Variants in SUPT6H observed in about 807,000 individuals in gnomAD.
SUPT6H encodes the protein transcription elongation factor SPT6.
A neutral mutation model predicts 222.3 loss-of-function variants in SUPT6H; 11 were observed. That is an observed-to-expected ratio of 0.05 (90% CI 0.03 to 0.08). The LOEUF (loss-of-function observed/expected upper bound fraction) is 0.08. SUPT6H is among the 10% of genes least tolerant of loss of function. SUPT6H has a pLI of 1.00. For missense variants in SUPT6H, 1,422 were observed against 2,216.0 expected, an observed-to-expected ratio of 0.64 and a Z score of 7.19; for synonymous variants, 762 against 801.2, an observed-to-expected ratio of 0.95 and a Z score of 0.83.
chr17:28,673,378 C>T lies in SUPT6H; in HGVS notation c.-24C>T. 1 of 1,576,288 alleles carries T rather than the reference C, an allele frequency of 6.3e-7. No individual in the cohort carries two copies. Among genetic ancestry groups the T allele is most frequent in the Non-Finnish European group, 8.7e-7 (1 of 1,146,090 alleles). ...ACTCTTTTCTTTCCCTAGTTATCTT[C>T]AGGCAGAGTGAGAAGCTGCAGCAAT... On this transcript the variant is annotated 5_prime_UTR_variant, in exon 2 of 37. Coordinates refer to ENST00000314616, the MANE Select transcript of SUPT6H (RefSeq NM_003170.5).
chr17:28,701,242 A>G (rs1281217850), intron 36 of SUPT6H, 114 bp downstream of exon 36: 1 of 1,443,312 alleles, frequency 6.9e-7, no homozygotes, highest in Non-Finnish European at 9.3e-7. Flanking sequence ...CCCTGACCAC[A>G]TGATATGCCA....
rs1440220956 is a variant in SUPT6H, at chr17:28,671,996, G to A, written c.-31-1375G>A. Among the ~76,000 whole-genome samples, 11 of 152,266 alleles carry A rather than the reference G, an allele frequency of 7.2e-5. No individual in the cohort carries two copies. In the East Asian group the frequency reaches 2.1e-3, roughly 29 times the overall value. Reference sequence around the variant, plus strand: ...TGTTGCATTTATTTTGTAGGACATGGAAGCCTTTCAAGATTTTTTGCCTGC... The same window carrying A: ...TGTTGCATTTATTTTGTAGGACATGAAAGCCTTTCAAGATTTTTTGCCTGC... On this transcript the variant is annotated intron_variant, in intron 1 of 36. Transcript: ENST00000314616.
At chr17:28,700,891 G>C in intron 35 of SUPT6H, 50 bp from the exon 36 acceptor site, 1 of 1,557,980 alleles carries the variant, frequency 6.4e-7, no homozygotes, top group Non-Finnish European at 8.7e-7. Context: ...TCACAGCAAG[G>C]CCAAACAAGC....
At chr17:28,691,154 A>G in intron 27 of SUPT6H, 91 bp downstream of exon 27, 1 of 1,470,038 alleles carries the variant, frequency 6.8e-7, no homozygotes, top group Non-Finnish European at 9.3e-7. Flanking sequence ...GGTGTTCTAG[A>G]TCATTCTCTC....
chr17:28,667,502 T>C (rs779658742), intron 1 of SUPT6H, among the ~76,000 whole-genome samples: 11 of 116,670 alleles, frequency 9.4e-5, no homozygotes, highest in Non-Finnish European at 2.0e-4. Flanking sequence ...TGTATATGTG[T>C]ATATATATAT....
chr17:28,700,947 C>T lies in SUPT6H; in HGVS notation c.4813C>T (p.Pro1605Ser). 1 of 1,611,134 alleles carries T rather than the reference C, an allele frequency of 6.2e-7. No individual in the cohort carries two copies. The highest frequency in any genetic ancestry group is 8.5e-7 in the Non-Finnish European group (1 of 1,177,766). ...ACTGTTCATGCCTCTCCAGGTATTC[C>T]CAACGCCAGCCCAGCAGCCAGTGGC... ...GGGSSAYHVFPTPAQQPVATP... is the reference protein window; with the variant it reads ...GGGSSAYHVFSTPAQQPVATP... The change falls in exon 36 of 37, where the codon CCA becomes TCA. Residue 1605 changes from proline (P) to serine (S), a missense_variant. By Grantham distance (74) the Pro-to-Ser change is moderately conservative. Around this residue, in one of 13 missense-constraint regions of SUPT6H, gnomAD observed 395 missense variants for 580.6 expected, o/e 0.68. Coordinates refer to ENST00000314616, the MANE Select transcript of SUPT6H (RefSeq NM_003170.5).
At chr17:28,674,739 C>T in intron 4 of SUPT6H, 126 bp downstream of exon 4, 1 of 943,694 alleles carries the variant, frequency 1.1e-6, no homozygotes, top group South Asian at 1.5e-5. Context: ...TGTTCGGTAT[C>T]ATTGTACTAC....
At chr17:28,668,069 T>C (rs969222107) in intron 1 of SUPT6H, among the ~76,000 whole-genome samples, 2 of 152,176 alleles carry the variant, frequency 1.3e-5, no homozygotes, top group African/African-American at 4.8e-5. Context: ...TGATCCCAGT[T>C]CCATTCCTCT....
rs368534896 is a variant in SUPT6H at position 28,678,098 on chromosome 17, G to A, written c.1022G>A (p.Arg341Gln). 42 of 1,613,022 alleles carry A rather than the reference G, an allele frequency of 2.6e-5. No homozygotes were observed. The highest frequency in any genetic ancestry group is 3.1e-5 in the Non-Finnish European group (37 of 1,179,772). Residue 341 changes from arginine (R) to glutamine (Q), a missense_variant, in exon 9 of 37, where the codon CGA (arginine) becomes CAA (glutamine). Coordinates refer to ENST00000314616, the MANE Select transcript of SUPT6H (RefSeq NM_003170.5). ...TAGGAAAGCTGTGATTACCTAGACC[G>A]AGGGCAGCCAGCCAGCAGCTTCAGT... ...SLQESCDYLD[R>Q]GQPASSFSRK...
chr17:28,683,732 G>A lies in SUPT6H; in HGVS notation c.2145G>A (p.Arg715=). The A allele has an allele frequency of 6.2e-7, 1 of 1,614,114 alleles. No homozygotes were observed. The change falls in exon 17 of 37, where the codon CGG becomes CGA. Residue 715 remains arginine (R), a synonymous_variant. Transcript: ENST00000314616. ...WNRQRTMAIE[R]ALQQFLYVQM... is the part of the protein sequence containing the mutation. The stretch of plus-strand genomic sequence containing the variant: ...GGCAGCGCACCATGGCCATCGAACG[G>A]GCTTTACAGCAGTTCCTCTATGTGC...
At chr17:28,698,075 C>T (rs201104064) in intron 32 of SUPT6H, 45 bp downstream of exon 32, 2 of 1,589,324 alleles carry the variant, frequency 1.3e-6, no homozygotes, top group Non-Finnish European at 1.7e-6. Flanking sequence ...GGTTCATAGG[C>T]AGGCTAGAAG....
At chr17:28,690,854 G>A in intron 26 of SUPT6H, 67 bp from the exon 27 acceptor site, 2 of 1,546,570 alleles carry the variant, frequency 1.3e-6, no homozygotes, top group Non-Finnish European at 1.8e-6. Flanking sequence ...GTCACTGAAA[G>A]GCTGGTGGAA....
chr17:28,700,524 G>A lies in SUPT6H; in HGVS notation c.4806+12G>A. 1 of 1,610,798 alleles carries A rather than the reference G, an allele frequency of 6.2e-7. No individual in the cohort carries two copies. The highest frequency in any genetic ancestry group is 1.7e-4 in the Middle Eastern group (1 of 5,966). ...GCAGTGCTTACCACGTATGTGGCTT[G>A]GGGAGGAAGCTCCCTGTGCAGGGTG... On this transcript the variant is annotated intron_variant, in intron 35 of 36. Coordinates refer to ENST00000314616, the MANE Select transcript of SUPT6H (RefSeq NM_003170.5).
Position 28,684,684 on chromosome 17 carries a change from G to A in SUPT6H, c.2328G>A (p.Gly776=). 6.2e-7 allele frequency: 1 copy of A among 1,614,236 alleles called. No individual in the cohort carries two copies. The highest frequency in any genetic ancestry group is 8.5e-7 in the Non-Finnish European group (1 of 1,180,050). The change falls in exon 18 of 37, where the codon GGG becomes GGA. Residue 776 remains glycine, a synonymous_variant. Transcript: ENST00000314616. ...EDDDFMDENQ[G]KGIRVLGIAF... ...ACGACTTTATGGACGAGAACCAAGG[G>A]AAGGGCATTCGAGTCCTCGGCATTG...
In SUPT6H at chr17:28,681,417, A is replaced by G. The variant is rs763529255; in HGVS notation, c.1498+13A>G. On this transcript the variant is annotated intron_variant, in intron 12 of 36. Coordinates refer to ENST00000314616, the MANE Select transcript of SUPT6H (RefSeq NM_003170.5). ...GGAGATGAAGAAGGTTAGTGCTGGAAAAGAAAATCCAGGAGATTTGATGGC... is the reference window on the plus strand; with the variant it reads ...GGAGATGAAGAAGGTTAGTGCTGGAGAAGAAAATCCAGGAGATTTGATGGC... 4 of 1,575,712 alleles carry G rather than the reference A, an allele frequency of 2.5e-6. No homozygotes were observed. Among genetic ancestry groups the G allele is most frequent in the East Asian group, 2.2e-5 (1 of 44,464 alleles).
chr17:28,686,424 G>C lies in SUPT6H; in HGVS notation c.2564+9G>C, dbSNP rs771675098. On this transcript the variant is annotated intron_variant, in intron 20 of 36. Coordinates refer to ENST00000314616, the MANE Select transcript of SUPT6H (RefSeq NM_003170.5). The stretch of plus-strand genomic sequence containing the variant: ...GTTGCAGGAGAGAACAGGTAGGTAG[G>C]GATTAGACCACACCTGGTTTAAGGC... 6.2e-7 allele frequency: 1 copy of C among 1,613,770 alleles called. No individual in the cohort carries two copies.
intron 35 of SUPT6H, 124 bp from the exon 36 acceptor site, chr17:28,700,817 C>T: frequency 1.6e-6 from 2 of 1,228,648 alleles, no homozygotes; most frequent in Non-Finnish European, 2.3e-6. Context: ...TGGTCAGAAG[C>T]ACATACTCAG....
chr17:28,686,366 T>C lies in SUPT6H; in HGVS notation c.2515T>C (p.Phe839Leu), dbSNP rs1441130945. ...TCAAGACATTGAAACGCTAAAGAAA[T>C]TTCTCCTGAATAAGAAGCCTCATGT... ...KAQDIETLKK[F>L]LLNKKPHVVT... The change falls in exon 20 of 37, where the codon TTT becomes CTT. Residue 839 changes from phenylalanine to leucine, a missense_variant. Coordinates refer to ENST00000314616, the MANE Select transcript of SUPT6H (RefSeq NM_003170.5). 2.5e-6 allele frequency: 4 copies of C among 1,614,192 alleles called. No homozygotes were observed. Among genetic ancestry groups the C allele is most frequent in the Non-Finnish European group, 2.5e-6 (3 of 1,180,028 alleles).
chr17:28,682,657 C>A, intron 13 of SUPT6H, 70 bp from the exon 14 acceptor site: 1 of 1,570,752 alleles, frequency 6.4e-7, no homozygotes, highest in South Asian at 1.2e-5. Context: ...ATTCCAACTC[C>A]AGATTCTGAA....
Sources: allele counts gnomAD v4.1 joint callset (sites outside exome capture counted in the v4.1 genomes callset), GRCh38; gene constraint gnomAD v4.1.1; regional missense constraint gnomAD v4.1.1; transcripts MANE v1.5; gene names NCBI Gene and HGNC (gene_info 2026-07-23, HGNC 2026-07-21).